The following PTPRN2 variants were observed in gnomAD, a reference collection of about 807,000 sequenced individuals.
PTPRN2 encodes the protein protein tyrosine phosphatase receptor type N2, also known as receptor-type tyrosine-protein phosphatase N2.
PTPRN2 carries 74 observed loss-of-function variants against 118.8 expected under a neutral mutation model. The observed-to-expected ratio is 0.62, with a 90% CI of 0.52 to 0.76. The LOEUF is 0.76. Among genes scored for constraint, PTPRN2 ranks in the 30% least tolerant of loss-of-function variants. PTPRN2 has a pLI of 0.00. For synonymous variants in PTPRN2, 641 were observed against 608.0 expected (o/e 1.05, Z -0.80); for missense variants, 1,481 against 1,394.4 (o/e 1.06, Z -0.99).
chr7:158,257,123 C>A (rs957320330), intron 3 of PTPRN2, among the ~76,000 whole-genome samples: 2 of 152,260 alleles, frequency 1.3e-5, no homozygotes, highest in Middle Eastern at 3.4e-3. Context: ...CCCGGACAAC[C>A]AGAATCATGC....
At chr7:157,595,117 T>G in intron 17 of PTPRN2, 121 bp downstream of exon 17, 1 of 876,374 alleles carries the variant, frequency 1.1e-6, no homozygotes. Context: ...CTGATATAAG[T>G]AACATTTGAT....
At chr7:158,131,133 TACAC>T (rs1204749682) in intron 9 of PTPRN2, among the ~76,000 whole-genome samples, 6 of 80,656 alleles carry the variant, frequency 7.4e-5, no homozygotes, top group South Asian at 4.7e-4. Context: ...CATACGCACA[TACAC>T]ACATACACAC....
At chr7:158,406,820 G>A (rs891419123) in intron 2 of PTPRN2, among the ~76,000 whole-genome samples, 3 of 152,180 alleles carry the variant, frequency 2.0e-5, no homozygotes, top group Admixed American at 6.5e-5. Flanking sequence ...GGCTCATTTC[G>A]TTCCTCTGCT....
chr7:158,397,422 G>A (rs1193600888), intron 2 of PTPRN2, among the ~76,000 whole-genome samples: 1 of 152,198 alleles, frequency 6.6e-6, no homozygotes, highest in African/African-American at 2.4e-5. Context: ...TGCCCTCCAA[G>A]TGGCCAGGGG....
chr7:157,971,777 G>A (rs766960678), intron 11 of PTPRN2, among the ~76,000 whole-genome samples: 10 of 152,188 alleles, frequency 6.6e-5, no homozygotes, highest in South Asian at 2.1e-4. Flanking sequence ...TGCCAGAGGC[G>A]ACAATAGCTA....
intron 2 of PTPRN2, among the ~76,000 whole-genome samples, chr7:158,359,697 C>T (rs149919357): frequency 1.9e-3 from 286 of 152,302 alleles, no homozygotes; most frequent in African/African-American, 6.1e-3. Flanking sequence ...AGCTGACAAA[C>T]ATTAATGAGC....
intron 3 of PTPRN2, among the ~76,000 whole-genome samples, chr7:158,272,105 G>A (rs1024754535): frequency 3.9e-5 from 6 of 152,292 alleles, no homozygotes; most frequent in East Asian, 1.9e-4. Flanking sequence ...CTCCTACAAC[G>A]TGAAAATGAT....
intron 11 of PTPRN2, among the ~76,000 whole-genome samples, chr7:157,902,005 G>C (rs867551095): frequency 6.6e-6 from 1 of 152,212 alleles, no homozygotes; most frequent in Non-Finnish European, 1.5e-5. Context: ...CTTCCTGTCC[G>C]TGTTTCCTTG....
chr7:158,191,671 A>G (rs1235350634), intron 5 of PTPRN2, among the ~76,000 whole-genome samples: 2 of 149,148 alleles, frequency 1.3e-5, no homozygotes, highest in African/African-American at 5.2e-5. Context: ...TCGCATAGTG[A>G]AGGGTCTTGG....
intron 14 of PTPRN2, among the ~76,000 whole-genome samples, chr7:157,630,042 T>C (rs1412827906): frequency 6.6e-6 from 1 of 152,228 alleles, no homozygotes; most frequent in Non-Finnish European, 1.5e-5. Flanking sequence ...GAAATATTCA[T>C]GTTAAATTTT....
intron 1 of PTPRN2, among the ~76,000 whole-genome samples, chr7:158,535,240 A>G (rs1453510761): frequency 6.6e-6 from 1 of 152,228 alleles, no homozygotes; most frequent in Non-Finnish European, 1.5e-5. Context: ...TTGATCTCAG[A>G]TACTCTTAAC....
intron 9 of PTPRN2, among the ~76,000 whole-genome samples, chr7:158,114,619 G>A (rs896180098): frequency 5.3e-5 from 8 of 152,180 alleles, no homozygotes; most frequent in Admixed American, 1.3e-4. Flanking sequence ...AGCGGCCCCC[G>A]GCAGCCTCTA....
At chr7:158,205,555 C>T (rs1827064944) in intron 3 of PTPRN2, among the ~76,000 whole-genome samples, 3 of 152,282 alleles carry the variant, frequency 2.0e-5, no homozygotes, top group African/African-American at 7.2e-5. Context: ...TACCAATCAT[C>T]CTCCCTGTAG....
At chr7:158,063,598 C>A (rs1383834356) in intron 11 of PTPRN2, among the ~76,000 whole-genome samples, 2 of 152,196 alleles carry the variant, frequency 1.3e-5, no homozygotes, top group Non-Finnish European at 2.9e-5. Flanking sequence ...CTCTTTGGGT[C>A]TGCACTGCCT....
In PTPRN2 at chr7:157,710,379, C is replaced by T. The variant is rs1032775314; in HGVS notation, c.1789-27442G>A. 5.9e-5 allele frequency among the ~76,000 whole-genome samples: 9 copies of T among 152,040 alleles called. No homozygotes were observed. In the South Asian group the frequency reaches 6.2e-4, roughly 11 times the overall value. On this transcript the variant is annotated intron_variant, in intron 12 of 22. Coordinates refer to ENST00000389418, the MANE Select transcript of PTPRN2 (RefSeq NM_002847.5). Reference sequence around the variant, plus strand: ...ATCTCAGCACTTTGGGAGGCCGAGGCGGGAGGATTACTTGGGCCTAGAGTT... The same window carrying T: ...ATCTCAGCACTTTGGGAGGCCGAGGTGGGAGGATTACTTGGGCCTAGAGTT...
chr7:158,068,297 G>A (rs35987432), intron 11 of PTPRN2, among the ~76,000 whole-genome samples: 2 of 152,240 alleles, frequency 1.3e-5, no homozygotes, highest in Non-Finnish European at 2.9e-5. Context: ...TGCTGTCCCC[G>A]TGGGGTGCCC....
rs1024920179 is a variant in PTPRN2 at position 158,570,049 on chromosome 7, G to A, written c.112+17509C>T. Among the ~76,000 whole-genome samples the A allele has an allele frequency of 6.6e-6, 1 of 152,174 alleles. No individual in the cohort carries two copies. Among genetic ancestry groups the A allele is most frequent in the Non-Finnish European group, 1.5e-5 (1 of 68,020 alleles). ...GCCTTTCCTCCCTCGCGTTCCCTCA[G>A]GCGCGTCCTCCACCCGTTTCCCCCA... On this transcript the variant is annotated intron_variant, in intron 1 of 22. Transcript: ENST00000389418. The surrounding 1 kb of genome is among the most constrained non-coding windows in gnomAD (Gnocchi z 4.5).
chr7:158,150,857 C>G (rs1820945811), intron 6 of PTPRN2, among the ~76,000 whole-genome samples: 1 of 152,108 alleles, frequency 6.6e-6, no homozygotes, highest in Non-Finnish European at 1.5e-5. Context: ...GGCCTCCTTT[C>G]TGTTCTTCCA....
At position 158,143,170 on chromosome 7, in the gene PTPRN2, A is replaced by G. The variant is rs999603596; in HGVS notation, c.911-4655T>C. On this transcript the variant is annotated intron_variant, in intron 6 of 22. Coordinates refer to ENST00000389418, the MANE Select transcript of PTPRN2 (RefSeq NM_002847.5). ...GTCCAATGCTGGCAACAAAGGGCTC[A>G]CTCATCCCAAAGAAAATGGAAATAA... is the stretch of plus-strand genomic sequence containing the variant. Among the ~76,000 whole-genome samples, 7 of 152,302 alleles carry G rather than the reference A, an allele frequency of 4.6e-5. No individual in the cohort carries two copies. In the East Asian group the frequency reaches 9.7e-4, roughly 21 times the overall value.
Sources: allele counts gnomAD v4.1 joint callset (sites outside exome capture counted in the v4.1 genomes callset), GRCh38; gene constraint gnomAD v4.1.1; non-coding constraint Gnocchi (gnomAD v3.1); transcripts MANE v1.5; gene names NCBI Gene and HGNC (gene_info 2026-07-23, HGNC 2026-07-21).